The following NRXN1 variants were observed in gnomAD, a reference collection of about 807,000 sequenced individuals.
The protein encoded by NRXN1 is neurexin 1.
Under a neutral mutation model 150.9 loss-of-function variants are expected in NRXN1, and 39 were observed. The observed-to-expected ratio is 0.26, with a 90% CI of 0.20 to 0.34. The LOEUF (loss-of-function observed/expected upper bound fraction) is 0.34. NRXN1 is among the 10% of genes least tolerant of loss of function. NRXN1 has a pLI of 1.00. For synonymous variants in NRXN1, 924 were observed against 757.0 expected (o/e 1.22, Z -3.62); for missense variants, 1,815 against 1,949.9 (o/e 0.93, Z 1.30).
At chr2:50,988,142 C>T (rs1050612943) in intron 2 of NRXN1, among the ~76,000 whole-genome samples, 1 of 151,956 alleles carries the variant, frequency 6.6e-6, no homozygotes, top group Non-Finnish European at 1.5e-5. Flanking sequence ...CTCCAATGTT[C>T]AGCTGACAAA....
intron 5 of NRXN1, among the ~76,000 whole-genome samples, chr2:50,883,772 T>C (rs1679810341): frequency 6.6e-6 from 1 of 151,850 alleles, no homozygotes; most frequent in Non-Finnish European, 1.5e-5. Flanking sequence ...ACAATGGCAA[T>C]GACAATGACA....
chr2:50,166,566 A>G (rs1447141091), intron 18 of NRXN1, among the ~76,000 whole-genome samples: 6 of 152,104 alleles, frequency 3.9e-5, no homozygotes, highest in African/African-American at 1.4e-4. Context: ...TCCCACAGAC[A>G]TGTGATCTAC....
intron 2 of NRXN1, among the ~76,000 whole-genome samples, chr2:50,932,996 C>T (rs1687992783): frequency 6.6e-6 from 1 of 151,874 alleles, no homozygotes; most frequent in South Asian, 2.1e-4. Flanking sequence ...GCTCCCAGTC[C>T]TCTTCTCTAG....
intron 21 of NRXN1, among the ~76,000 whole-genome samples, chr2:49,958,413 C>T (rs1288937821): frequency 1.3e-5 from 2 of 152,106 alleles, no homozygotes; most frequent in East Asian, 3.9e-4. Context: ...TCTTGCCAGC[C>T]TTGCATTTAC....
intron 8 of NRXN1, among the ~76,000 whole-genome samples, chr2:50,599,980 T>C (rs916826660): frequency 2.6e-5 from 4 of 152,084 alleles, no homozygotes; most frequent in African/African-American, 7.2e-5. Flanking sequence ...AGCAAATTGA[T>C]TGCTTATATT....
chr2:50,169,505 G>C (rs572104583), intron 18 of NRXN1, among the ~76,000 whole-genome samples: 1 of 152,102 alleles, frequency 6.6e-6, no homozygotes, highest in African/African-American at 2.4e-5. Flanking sequence ...ACGAGGTCAG[G>C]AGTTCGAGAC....
At chr2:50,765,329 A>T (rs1199848187) in intron 5 of NRXN1, among the ~76,000 whole-genome samples, 1 of 152,040 alleles carries the variant, frequency 6.6e-6, no homozygotes, top group East Asian at 1.9e-4. Context: ...AGAGACGGAG[A>T]GGCAGAGGCA....
intron 5 of NRXN1, among the ~76,000 whole-genome samples, chr2:50,736,458 G>A (rs1479614397): frequency 6.6e-6 from 1 of 152,072 alleles, no homozygotes; most frequent in East Asian, 1.9e-4. Context: ...ATAGTGATAT[G>A]GCTTGGCTGT....
At chr2:49,986,124 T>C (rs1680862296) in intron 21 of NRXN1, among the ~76,000 whole-genome samples, 1 of 152,200 alleles carries the variant, frequency 6.6e-6, no homozygotes, top group Admixed American at 6.5e-5. Context: ...AATGAAGTGA[T>C]AAATTGGCCA....
At chr2:50,299,662 T>C (rs1294227961) in intron 17 of NRXN1, among the ~76,000 whole-genome samples, 3 of 152,226 alleles carry the variant, frequency 2.0e-5, no homozygotes, top group East Asian at 1.9e-4. Flanking sequence ...CTTTTTATTA[T>C]TCAAATTGTT....
intron 21 of NRXN1, among the ~76,000 whole-genome samples, chr2:50,034,851 A>C (rs1573530292): frequency 6.6e-6 from 1 of 152,200 alleles, no homozygotes; most frequent in African/African-American, 2.4e-5. Context: ...CTGTTATTCT[A>C]AGGTCCACTT....
Position 50,538,258 on chromosome 2 carries a change from T to C in NRXN1, c.2138A>G (p.Glu713Gly), listed in dbSNP as rs765314273. ...SGTGYLGRSC[E>G]REATVLSYDG... is the part of the protein sequence containing the mutation. ...CTGGGGTTTTAGAATCCTACCTCTCTCACAGGACCTGCCAAGATAGCCTGT... is the reference window on the plus strand; with the variant it reads ...CTGGGGTTTTAGAATCCTACCTCTCCCACAGGACCTGCCAAGATAGCCTGT... Residue 713 changes from glutamate (E) to glycine (G), a missense_variant, in exon 10 of 23, where the codon GAG becomes GGG. Physicochemically the swap from Glu to Gly is moderately conservative, Grantham distance 98. This residue lies in a region of NRXN1 where 638 missense variants were observed against 652.6 expected (regional missense o/e 0.98). Coordinates refer to ENST00000401669, the MANE Select transcript of NRXN1 (RefSeq NM_001330078.2). 7.5e-5 allele frequency: 121 copies of C among 1,608,512 alleles called. No individual in the cohort carries two copies. Among genetic ancestry groups the C allele is most frequent in the Non-Finnish European group, 9.5e-5 (112 of 1,175,826 alleles).
At chr2:50,396,740 C>T (rs1256250138) in intron 17 of NRXN1, among the ~76,000 whole-genome samples, 1 of 152,028 alleles carries the variant, frequency 6.6e-6, no homozygotes, top group Non-Finnish European at 1.5e-5. Flanking sequence ...GATCACGGTG[C>T]TCAAACATTC....
chr2:50,062,489 A>G (rs1033101427), intron 19 of NRXN1, among the ~76,000 whole-genome samples: 1 of 152,190 alleles, frequency 6.6e-6, no homozygotes, highest in Non-Finnish European at 1.5e-5. Context: ...TTTTATTATC[A>G]TTGCCCAAAT....
At chr2:50,437,161 A>G (rs751973930) in intron 17 of NRXN1, among the ~76,000 whole-genome samples, 3 of 152,226 alleles carry the variant, frequency 2.0e-5, no homozygotes, top group African/African-American at 4.8e-5. Flanking sequence ...TATTACAGGA[A>G]AACCTAGTTA....
chr2:50,172,108 C>T (rs1162112851), intron 18 of NRXN1, among the ~76,000 whole-genome samples: 1 of 152,026 alleles, frequency 6.6e-6, no homozygotes, highest in Non-Finnish European at 1.5e-5. Context: ...TTCCTATGAA[C>T]AGAAGATAAT....
At chr2:50,534,212 A>G (rs2093194566) in intron 10 of NRXN1, among the ~76,000 whole-genome samples, 1 of 152,138 alleles carries the variant, frequency 6.6e-6, no homozygotes, top group South Asian at 2.1e-4. Flanking sequence ...TATTCTGCTT[A>G]TTGCAAGTGA....
intron 18 of NRXN1, among the ~76,000 whole-genome samples, chr2:50,197,033 C>A (rs930973460): frequency 6.6e-6 from 1 of 152,112 alleles, no homozygotes; most frequent in African/African-American, 2.4e-5. Context: ...TGTAACAAAT[C>A]TTCACATGTA....
intron 5 of NRXN1, among the ~76,000 whole-genome samples, chr2:50,873,364 A>T (rs1678073742): frequency 6.6e-6 from 1 of 151,864 alleles, no homozygotes; most frequent in Non-Finnish European, 1.5e-5. Flanking sequence ...CTTTGGGGTA[A>T]TTGCTAATGC....
Sources: gnomAD v4.1 joint callset for allele counts (sites outside exome capture counted in the v4.1 genomes callset) on GRCh38, gnomAD v4.1.1 for gene constraint, gnomAD v4.1.1 regional missense constraint, MANE v1.5 for transcripts, NCBI Gene and HGNC (gene_info 2026-07-23, HGNC 2026-07-21) for gene names.